C8orf34: variants seen among roughly 807,000 people sequenced by gnomAD.
C8orf34 encodes the protein chromosome 8 open reading frame 34.
In C8orf34, 65 loss-of-function variants were observed where a neutral mutation model predicts 68.3. That is an observed-to-expected ratio of 0.95 (90% CI 0.78 to 1.17). The LOEUF is 1.17. Ranked by LOEUF, C8orf34 falls within the 50% of genes most tolerant of loss-of-function variation. The probability of loss-of-function intolerance (pLI) is 0.00; values close to 1 mark genes in which losing one functional copy is unlikely to be tolerated. For synonymous variants in C8orf34, 244 were observed against 241.2 expected (o/e 1.01, Z -0.11); for missense variants, 664 against 655.4 (o/e 1.01, Z -0.14).
intron 8 of C8orf34, among the ~76,000 whole-genome samples, chr8:68,657,110 T>C (rs538413948): frequency 6.6e-6 from 1 of 152,266 alleles, no homozygotes; most frequent in Admixed American, 6.5e-5. Flanking sequence ...ATGGTTTCCT[T>C]TCTGAAATGA....
intron 11 of C8orf34, among the ~76,000 whole-genome samples, chr8:68,780,367 G>A (rs1823640868): frequency 1.3e-5 from 2 of 152,080 alleles, no homozygotes; most frequent in African/African-American, 4.8e-5. Context: ...GGAAAGAAAA[G>A]CCACCAAGTG....
At chr8:68,547,098 A>G (rs1422860611) in intron 7 of C8orf34, among the ~76,000 whole-genome samples, 1 of 151,880 alleles carries the variant, frequency 6.6e-6, no homozygotes, top group African/African-American at 2.4e-5. Context: ...GTGAACATAC[A>G]GAATATTAGC....
rs115003721 is a variant in C8orf34, at chr8:68,679,000, T to C, written c.1242-29994T>C. Among the ~76,000 whole-genome samples the C allele has an allele frequency of 5.8e-3, 882 of 152,214 alleles. 11 individuals are homozygous for C. The highest frequency in any genetic ancestry group is 0.02 in the African/African-American group (832 of 41,544). On this transcript the variant is annotated intron_variant, in intron 8 of 13. Transcript: ENST00000518698. ...AAAAGAAATCAAGAAAGTTATCCCA[T>C]TTACAATAGCTACTAATAGGCCAGG...
chr8:68,576,518 A>G (rs986467904), intron 7 of C8orf34, among the ~76,000 whole-genome samples: 3 of 151,636 alleles, frequency 2.0e-5, no homozygotes, highest in Non-Finnish European at 4.4e-5. Flanking sequence ...TTCTTTCAAT[A>G]TTATTGTCTA....
chr8:68,490,836 A>T (rs1023405249), intron 5 of C8orf34, among the ~76,000 whole-genome samples: 11 of 152,204 alleles, frequency 7.2e-5, no homozygotes, highest in African/African-American at 2.4e-4. Flanking sequence ...GGAGCAGGAG[A>T]GCCTGTCCCA....
At position 68,818,615 on chromosome 8, in the gene C8orf34, T is replaced by C. The variant is rs189239149; in HGVS notation, c.*369T>C. 2.5e-3 allele frequency: 450 copies of C among 176,796 alleles called. 2 individuals carry two copies. Among genetic ancestry groups the C allele is most frequent in the Non-Finnish European group, 3.7e-3 (315 of 84,444 alleles). The allele number at this position is 176,796 out of a possible 1,614,324, so 11.0% of individuals were successfully genotyped here. A position where few individuals can be genotyped will look rare whatever the true frequency, so the allele number is the denominator to read the frequency against. ...CTTGTCTAGGGTTTTCTACTTCTTC[T>C]ATTTTTATAATATTTTCTCATTTTT... On this transcript the variant is annotated 3_prime_UTR_variant, in exon 14 of 14. Coordinates refer to ENST00000518698, the MANE Select transcript of C8orf34 (RefSeq NM_052958.4).
At chr8:68,436,422 T>C (rs1187537782) in intron 1 of C8orf34, among the ~76,000 whole-genome samples, 2 of 152,128 alleles carry the variant, frequency 1.3e-5, no homozygotes, top group African/African-American at 4.8e-5. Flanking sequence ...GTGCACAGAG[T>C]ATCGTATTAA....
chr8:68,513,421 G>A (rs896690483), intron 5 of C8orf34, among the ~76,000 whole-genome samples: 5 of 152,142 alleles, frequency 3.3e-5, no homozygotes, highest in African/African-American at 1.2e-4. Context: ...CTAAGGTAGG[G>A]TTGCTAAACA....
At chr8:68,390,174 C>T (rs1808422856) in intron 1 of C8orf34, among the ~76,000 whole-genome samples, 1 of 152,236 alleles carries the variant, frequency 6.6e-6, no homozygotes, top group African/African-American at 2.4e-5. Context: ...AGTGGGCATA[C>T]ACTTAATTGG....
At chr8:68,573,044 C>T (rs1057396793) in intron 7 of C8orf34, among the ~76,000 whole-genome samples, 2 of 152,086 alleles carry the variant, frequency 1.3e-5, no homozygotes, top group Non-Finnish European at 2.9e-5. Flanking sequence ...TTCAACTACT[C>T]CACAGTGCCC....
intron 5 of C8orf34, among the ~76,000 whole-genome samples, chr8:68,513,199 GAAAGGTACC>G (rs1480940320): frequency 6.6e-6 from 1 of 152,178 alleles, no homozygotes; most frequent in East Asian, 1.9e-4. Context: ...CACATGAACT[GAAAGGTACC>G]ACAGCTTTTA....
chr8:68,513,170 A>C (rs544777712), intron 5 of C8orf34, among the ~76,000 whole-genome samples: 3 of 152,208 alleles, frequency 2.0e-5, no homozygotes, highest in Non-Finnish European at 4.4e-5. Flanking sequence ...GGCTGTTTTT[A>C]TTTCTGAAAG....
chr8:68,335,050 T>A (rs1024830937), intron 1 of C8orf34, among the ~76,000 whole-genome samples: 2 of 152,180 alleles, frequency 1.3e-5, no homozygotes, highest in Non-Finnish European at 2.9e-5. Flanking sequence ...AGAGCTGTAG[T>A]GTCTGCGGAG....
At chr8:68,367,899 TA>T (rs1377295258) in intron 1 of C8orf34, among the ~76,000 whole-genome samples, 1 of 8,248 alleles carries the variant, frequency 1.2e-4, no homozygotes, top group African/African-American at 4.4e-4. Context: ...TAAAGTATAA[TA>T]AAAAAAGAAA....
chr8:68,371,298 CA>C (rs1419404729), intron 1 of C8orf34, among the ~76,000 whole-genome samples: 1 of 152,138 alleles, frequency 6.6e-6, no homozygotes, highest in Non-Finnish European at 1.5e-5. Flanking sequence ...TTTGTGATTT[CA>C]AATTATGTTA....
At chr8:68,785,788 A>G (rs1303312582) in intron 11 of C8orf34, among the ~76,000 whole-genome samples, 1 of 152,186 alleles carries the variant, frequency 6.6e-6, no homozygotes, top group Non-Finnish European at 1.5e-5. Flanking sequence ...TATCACACAG[A>G]ATAGTTTTAC....
At chr8:68,724,598 T>C (rs1821772197) in intron 10 of C8orf34, among the ~76,000 whole-genome samples, 1 of 152,220 alleles carries the variant, frequency 6.6e-6, no homozygotes, top group Admixed American at 6.5e-5. Context: ...CAAGTCGTTC[T>C]TCTGGAATTT....
At chr8:68,428,804 T>C (rs948564069) in intron 1 of C8orf34, among the ~76,000 whole-genome samples, 1 of 152,096 alleles carries the variant, frequency 6.6e-6, no homozygotes, top group Non-Finnish European at 1.5e-5. Flanking sequence ...TGTGAATATA[T>C]GGCCACTTGA....
At chr8:68,714,136 T>C (rs1329326071) in intron 9 of C8orf34, among the ~76,000 whole-genome samples, 1 of 152,128 alleles carries the variant, frequency 6.6e-6, no homozygotes, top group South Asian at 2.1e-4. Flanking sequence ...AGAAGGTTCA[T>C]ACCTTAAGGT....
Sources: gnomAD v4.1 joint callset for allele counts (sites outside exome capture counted in the v4.1 genomes callset) on GRCh38, gnomAD v4.1.1 for gene constraint, MANE v1.5 for transcripts, NCBI Gene and HGNC (gene_info 2026-07-23, HGNC 2026-07-21) for gene names.